SMARCA4: variants seen among roughly 807,000 people sequenced by gnomAD.
SMARCA4 encodes the protein SWI/SNF-related matrix-associated actin-dependent regulator of chromatin subfamily A member 4.
In SMARCA4, 31 loss-of-function variants were observed where a neutral mutation model predicts 193.9. The observed-to-expected ratio is 0.16, with a 90% CI of 0.12 to 0.22. The LOEUF is 0.22. SMARCA4 is among the 10% of genes least tolerant of loss of function. SMARCA4 has a pLI of 1.00. For missense variants in SMARCA4, 1,148 were observed against 2,296.0 expected (o/e 0.50, Z 10.22); for synonymous variants, 942 against 933.1 (o/e 1.01, Z -0.17).
At chr19:11,037,377 G>A (rs1346225243) in intron 29 of SMARCA4, among the ~76,000 whole-genome samples, 3 of 152,196 alleles carry the variant, frequency 2.0e-5, no homozygotes. Context: ...TGCCATCTGA[G>A]TGTGGTTGGA....
At chr19:10,973,816 C>T (rs564008636) in intron 1 of SMARCA4, among the ~76,000 whole-genome samples, 62 of 152,174 alleles carry the variant, frequency 4.1e-4, no homozygotes, top group Middle Eastern at 3.4e-3. Context: ...GTGATCCACC[C>T]GCCTTGGCCT....
rs7257648 is a variant in SMARCA4, at chr19:11,042,158, A to G, written c.4424+598A>G. Among the ~76,000 whole-genome samples, 770 of 152,352 alleles carry G rather than the reference A, an allele frequency of 5.1e-3. 8 individuals are homozygous for G. Among genetic ancestry groups the G allele is most frequent in the African/African-American group, 0.018 (731 of 41,588 alleles). On this transcript the variant is annotated intron_variant, in intron 30 of 34. Transcript: ENST00000344626. Reference sequence around the variant, plus strand: ...CCTGGAGATCGCTGTCCTCACAGACATGTCCTATATACGAGGCAGCATGCG... The same window carrying G: ...CCTGGAGATCGCTGTCCTCACAGACGTGTCCTATATACGAGGCAGCATGCG...
intron 30 of SMARCA4, among the ~76,000 whole-genome samples, chr19:11,055,199 T>C (rs887233878): frequency 6.6e-6 from 1 of 152,018 alleles, no homozygotes; most frequent in African/African-American, 2.4e-5. Flanking sequence ...TTGTTTTTGT[T>C]TGTTTTTTGA....
intron 11 of SMARCA4, among the ~76,000 whole-genome samples, chr19:10,999,408 G>A (rs1182453301): frequency 1.3e-5 from 2 of 151,986 alleles, no homozygotes; most frequent in African/African-American, 4.8e-5. Context: ...TGTATTCCCA[G>A]TACTTTGGGA....
At chr19:11,043,152 G>A (rs897697789) in intron 30 of SMARCA4, among the ~76,000 whole-genome samples, 7 of 152,094 alleles carry the variant, frequency 4.6e-5, no homozygotes, top group East Asian at 1.9e-4. Flanking sequence ...TTCGCCGAGC[G>A]TAGTGGTGCA....
At chr19:11,059,601 G>A in intron 32 of SMARCA4, 152 bp from the exon 33 acceptor site, 2 of 794,548 alleles carry the variant, frequency 2.5e-6, no homozygotes, top group South Asian at 1.5e-5. Flanking sequence ...TCCACCCTGG[G>A]TGGGCTGAAG....
intron 30 of SMARCA4, among the ~76,000 whole-genome samples, chr19:11,051,489 T>C (rs1206289068): frequency 6.9e-6 from 1 of 144,834 alleles, no homozygotes; most frequent in African/African-American, 2.7e-5. Context: ...GGGACATATT[T>C]CCTTTTTTTT....
chr19:10,991,327 C>G lies in SMARCA4; in HGVS notation c.1419+4C>G, dbSNP rs370219784. 6.3e-7 allele frequency: 1 copy of G among 1,586,406 alleles called. No homozygotes were observed. The highest frequency in any genetic ancestry group is 2.3e-5 in the East Asian group (1 of 43,454). ...CAAGCGCCGGCAGAAGCACCAGGTA[C>G]GCTCCGGTGGCCCCAAGGCCCTGCA... On this transcript the variant is annotated splice_donor_region_variant and intron_variant, in intron 8 of 34. Coordinates refer to ENST00000344626, the MANE Select transcript of SMARCA4 (RefSeq NM_003072.5).
At chr19:10,993,134 C>G (rs1458459026) in intron 8 of SMARCA4, among the ~76,000 whole-genome samples, 1 of 151,808 alleles carries the variant, frequency 6.6e-6, no homozygotes, top group African/African-American at 2.4e-5. Flanking sequence ...TACAGGTGTG[C>G]ACCACCACAC....
intron 1 of SMARCA4, among the ~76,000 whole-genome samples, chr19:10,978,874 A>G (rs2085344411): frequency 6.6e-6 from 1 of 151,960 alleles, no homozygotes; most frequent in Non-Finnish European, 1.5e-5. Flanking sequence ...GCTTGAACCT[A>G]GGAGGCGGAG....
intron 19 of SMARCA4, 41 bp from the exon 20 acceptor site, chr19:11,023,477 T>G: frequency 3.1e-6 from 4 of 1,286,886 alleles, no homozygotes; most frequent in Non-Finnish European, 4.5e-6. Flanking sequence ...TCGCCCTCCT[T>G]TGGAGGTAAC....
intron 1 of SMARCA4, chr19:10,980,762 T>C (rs2085497667): frequency 6.6e-6 from 1 of 152,232 alleles, no homozygotes; most frequent in Admixed American, 6.5e-5. Flanking sequence ...TTTTTCTCTT[T>C]TTCCTCTGAG....
intron 30 of SMARCA4, among the ~76,000 whole-genome samples, chr19:11,057,197 A>G (rs749727267): frequency 1.2e-4 from 18 of 152,146 alleles, no homozygotes; most frequent in South Asian, 2.1e-4. Context: ...CGCGTTTGCC[A>G]TGCGTTCTCA....
intron 7 of SMARCA4, 63 bp from the exon 8 acceptor site, chr19:10,991,087 G>A (rs2145875333): frequency 1.2e-6 from 2 of 1,603,868 alleles, no homozygotes; most frequent in Non-Finnish European, 1.7e-6. Flanking sequence ...CACCATACGT[G>A]TTTGTCATTG....
chr19:10,994,418 G>C (rs1235828958), intron 8 of SMARCA4, among the ~76,000 whole-genome samples: 1 of 150,762 alleles, frequency 6.6e-6, no homozygotes, highest in Non-Finnish European at 1.5e-5. Flanking sequence ...CCGCCTCCCG[G>C]GTTCACGCCA....
At chr19:11,024,280 T>C (rs374181101) in intron 20 of SMARCA4, 51 bp from the exon 21 acceptor site, 343 of 1,313,128 alleles carry the variant, frequency 2.6e-4, no homozygotes, top group Middle Eastern at 5.4e-4. Flanking sequence ...ATGGGGGGAG[T>C]CAGGCCTCAA....
chr19:11,055,340 T>C (rs60314748), intron 30 of SMARCA4, among the ~76,000 whole-genome samples: 59,577 of 151,962 alleles, frequency 0.39, 12,595 homozygotes, highest in African/African-American at 0.55. Flanking sequence ...CAGGTGCCTG[T>C]CACCACGCCT....
chr19:10,977,855 G>A (rs530528464), intron 1 of SMARCA4: 2 of 152,526 alleles, frequency 1.3e-5, no homozygotes, highest in Admixed American at 6.5e-5. Context: ...GGAGGAGGAG[G>A]TGGAGCCACA....
At position 11,033,185 on chromosome 19, in the gene SMARCA4, C is replaced by T. The variant is rs778748980; in HGVS notation, c.3547-105C>T. 5.3e-5 allele frequency: 47 copies of T among 879,066 alleles called. 1 individual carries two copies. The highest frequency in any genetic ancestry group is 6.5e-4 in the Middle Eastern group (2 of 3,078). 54.5% of individuals were successfully genotyped at this position (879,066 alleles called of 1,614,324 possible). ...GTCAGGCTGGGCAGAATTGTCAGGC[C>T]GAGGGTGGCACGCACAGCACACCTC... On this transcript the variant is annotated intron_variant, in intron 25 of 34. Coordinates refer to ENST00000344626, the MANE Select transcript of SMARCA4 (RefSeq NM_003072.5). This position sits in a 1 kb window ranked among gnomAD's most constrained non-coding sequence, Gnocchi z 9.8.
Sources: allele counts gnomAD v4.1 joint callset (sites outside exome capture counted in the v4.1 genomes callset), GRCh38; gene constraint gnomAD v4.1.1; non-coding constraint Gnocchi (gnomAD v3.1); transcripts MANE v1.5; gene names NCBI Gene and HGNC (gene_info 2026-07-23, HGNC 2026-07-21).